Variants in ZFYVE26 observed in about 807,000 individuals in gnomAD.
The protein encoded by ZFYVE26 is zinc finger FYVE-type containing 26.
Under a neutral mutation model 276.5 loss-of-function variants are expected in ZFYVE26, and 181 were observed. The observed-to-expected ratio is 0.65, with a 90% CI of 0.58 to 0.74. The LOEUF (loss-of-function observed/expected upper bound fraction) is 0.74. Ranked by LOEUF, ZFYVE26 falls within the 30% of genes least tolerant of loss-of-function variation. The pLI, the probability that ZFYVE26 is intolerant of heterozygous loss-of-function variation, is 0.00. For missense variants in ZFYVE26, 2,821 were observed against 3,097.9 expected, an observed-to-expected ratio of 0.91 and a Z score of 2.12; for synonymous variants, 1,129 against 1,203.1, an observed-to-expected ratio of 0.94 and a Z score of 1.27.
At chr14:67,786,318 G>C in intron 16 of ZFYVE26, 85 bp from the exon 17 acceptor site, 1 of 1,486,244 alleles carries the variant, frequency 6.7e-7, no homozygotes, top group East Asian at 2.5e-5. Flanking sequence ...GTATTTACCT[G>C]TGAAATTTTA....
intron 10 of ZFYVE26, chr14:67,799,731 T>G: frequency 2.7e-6 from 2 of 744,104 alleles, no homozygotes; most frequent in East Asian, 2.5e-5. Context: ...CCAGCCTGAA[T>G]TTTTCAGATT....
Position 67,775,841 on chromosome 14 carries a change from C to A in ZFYVE26, c.5221+19G>T. ...TTCTTCCTCCATGTAGAATCCCCTT[C>A]TAGGATGCTAGCAGTTACCTGATCG... On this transcript the variant is annotated intron_variant, in intron 26 of 41. Coordinates refer to ENST00000347230, the MANE Select transcript of ZFYVE26 (RefSeq NM_015346.4). The A allele has an allele frequency of 6.2e-7, 1 of 1,614,060 alleles. No homozygotes were observed. Among genetic ancestry groups the A allele is most frequent in the Non-Finnish European group, 8.5e-7 (1 of 1,179,986 alleles).
chr14:67,762,061 T>A, intron 34 of ZFYVE26, 142 bp downstream of exon 34: 1 of 905,178 alleles, frequency 1.1e-6, no homozygotes, highest in Non-Finnish European at 1.7e-6. Flanking sequence ...CTATATGTGA[T>A]GGAAAAAAAA....
chr14:67,781,274 T>C (rs1021239591), intron 22 of ZFYVE26, 59 bp downstream of exon 22: 8 of 1,560,568 alleles, frequency 5.1e-6, no homozygotes, highest in African/African-American at 4.1e-5. Flanking sequence ...ATAAGATAGG[T>C]TGGGGTTGAT....
intron 13 of ZFYVE26, chr14:67,734,096 G>C (rs1295888483): frequency 5.2e-6 from 2 of 387,198 alleles, no homozygotes; most frequent in South Asian, 2.1e-5. Context: ...CAACCCTCTG[G>C]GGGCAGCAGG....
At position 67,748,614 on chromosome 14, in the gene ZFYVE26, T is replaced by A; in HGVS notation, c.7442A>T (p.Lys2481Ile). 1 of 1,614,108 alleles carries A rather than the reference T, an allele frequency of 6.2e-7. No individual in the cohort carries two copies. Among genetic ancestry groups the A allele is most frequent in the Non-Finnish European group, 8.5e-7 (1 of 1,180,040 alleles). Residue 2481 changes from lysine (K) to isoleucine (I), a missense_variant, in exon 42 of 42, where the codon AAA becomes ATA. Lys to Ile is a moderately radical substitution (Grantham distance 102, BLOSUM62 -3). Coordinates refer to ENST00000347230, the MANE Select transcript of ZFYVE26 (RefSeq NM_015346.4). Reference sequence around the variant, plus strand: ...AGCAATCAAGTAGGCAGAACGCAGTTTGCAACATATCAGGTAGGCCCGAAC... The same window carrying A: ...AGCAATCAAGTAGGCAGAACGCAGTATGCAACATATCAGGTAGGCCCGAAC... Reference protein sequence around the residue: ...NKVRAYLICCKLRSAYLIAVK... With the variant: ...NKVRAYLICCILRSAYLIAVK...
Position 67,802,191 on chromosome 14 carries a change from A to C in ZFYVE26, c.1527T>G (p.Tyr509Ter), listed in dbSNP as rs540972590. The C allele has an allele frequency of 6.2e-7, 1 of 1,614,234 alleles. No homozygotes were observed. Among genetic ancestry groups the C allele is most frequent in the South Asian group, 1.1e-5 (1 of 91,080 alleles). Reference protein sequence around the residue: ...QGFCAMKYAIYALCVNSHQHS... With the variant: ...QGFCAMKYAI ...GCTGGTGTGAGTTTACACAGAGGGC[A>C]TAGATGGCATACTTCATGGCACAGA... The change falls in exon 10 of 42, where the codon TAT becomes TAG. Residue 509 changes from tyrosine (Y) to a stop codon, truncating the protein, a stop_gained. Transcript: ENST00000347230. LOFTEE classifies it high-confidence loss of function.
intron 27 of ZFYVE26, 47 bp from the exon 28 acceptor site, chr14:67,772,257 A>T (rs1181591263): frequency 6.3e-7 from 1 of 1,583,644 alleles, no homozygotes; most frequent in South Asian, 1.1e-5. Flanking sequence ...TCAATATACC[A>T]GCTTATAGAT....
intron 35 of ZFYVE26, among the ~76,000 whole-genome samples, chr14:67,758,594 G>C (rs555352581): frequency 9.2e-5 from 14 of 152,032 alleles, no homozygotes; most frequent in Non-Finnish European, 1.8e-4. Flanking sequence ...AACAGAGAGG[G>C]CCTGAAAGGA....
At position 67,769,593 on chromosome 14, in the gene ZFYVE26, C is replaced by T. The variant is rs1414256228; in HGVS notation, c.5621+1G>A. ...CAACAGCCCTGCTGTAGGACACTCACTCTTTGTTGCAGTAACTATAGCACT... is the reference window on the plus strand; with the variant it reads ...CAACAGCCCTGCTGTAGGACACTCATTCTTTGTTGCAGTAACTATAGCACT... On this transcript the variant is annotated splice_donor_variant, in intron 29 of 41. Transcript: ENST00000347230. LOFTEE classifies it high-confidence loss of function. 3 of 1,613,958 alleles carry T rather than the reference C, an allele frequency of 1.9e-6. No individual in the cohort carries two copies. In the South Asian group the frequency reaches 3.3e-5, roughly 18 times the overall value.
chr14:67,754,803 C>T (rs2038736195), intron 37 of ZFYVE26, among the ~76,000 whole-genome samples: 1 of 152,100 alleles, frequency 6.6e-6, no homozygotes, highest in South Asian at 2.1e-4. Flanking sequence ...AGCCTTTTGG[C>T]CTACTGTAAG....
intron 36 of ZFYVE26, among the ~76,000 whole-genome samples, chr14:67,755,518 C>T (rs1286405813): frequency 1.3e-5 from 2 of 152,154 alleles, no homozygotes; most frequent in African/African-American, 4.8e-5. Context: ...CTCAAATTGG[C>T]TTCACTTGTA....
rs747747607 is a variant in ZFYVE26 at position 67,766,438 on chromosome 14, C to T, written c.5800G>A (p.Ala1934Thr). 1.6e-5 allele frequency: 26 copies of T among 1,611,978 alleles called. No homozygotes were observed. Among genetic ancestry groups the T allele is most frequent in the Middle Eastern group, 2.2e-4 (1 of 4,510 alleles). Residue 1934 changes from alanine to threonine, a missense_variant, in exon 32 of 42, where the codon GCC (alanine) becomes ACC (threonine). Ala to Thr is a moderately conservative substitution (Grantham distance 58, BLOSUM62 0). Coordinates refer to ENST00000347230, the MANE Select transcript of ZFYVE26 (RefSeq NM_015346.4). The part of the protein sequence containing the change: ...SEFYYEQAPS[A>T]SLCIAILNLH... ...TTCAGGATGGCAATGCACAAGGAGG[C>T]GCTGGGGGCCTGGCCGGGGTGGAAG... is the stretch of plus-strand genomic sequence containing the variant.
chr14:67,790,803 T>G, intron 14 of ZFYVE26, 30 bp from the exon 15 acceptor site: 3 of 1,581,056 alleles, frequency 1.9e-6, no homozygotes, highest in Admixed American at 1.7e-5. Context: ...GTGTGGGCCC[T>G]GGTGGTCCCA....
At chr14:67,749,644 A>G (rs1252360365) in intron 41 of ZFYVE26, among the ~76,000 whole-genome samples, 1 of 152,170 alleles carries the variant, frequency 6.6e-6, no homozygotes, top group African/African-American at 2.4e-5. Context: ...TGTTTTGGTC[A>G]CTAAAGTTTT....
chr14:67,780,246 C>A lies in ZFYVE26; in HGVS notation c.4669G>T (p.Ala1557Ser). ...PSTVMNMILE[A>S]QEYELCEEWG... ...ACCACCCAGGAAAACGGTACCTGTGCTTCTAGAATCATGTTCATGACAGTT... is the reference window on the plus strand; with the variant it reads ...ACCACCCAGGAAAACGGTACCTGTGATTCTAGAATCATGTTCATGACAGTT... Residue 1557 changes from alanine (A) to serine (S), a missense_variant, in exon 23 of 42, where the codon GCA becomes TCA. Physicochemically the swap from Ala to Ser is moderately conservative, Grantham distance 99. Coordinates refer to ENST00000347230, the MANE Select transcript of ZFYVE26 (RefSeq NM_015346.4). The A allele has an allele frequency of 6.2e-7, 1 of 1,613,780 alleles. No homozygotes were observed. Among genetic ancestry groups the A allele is most frequent in the Non-Finnish European group, 8.5e-7 (1 of 1,179,864 alleles).
chr14:67,788,717 G>C (rs562854913), intron 16 of ZFYVE26, among the ~76,000 whole-genome samples: 2 of 152,092 alleles, frequency 1.3e-5, no homozygotes, highest in Non-Finnish European at 2.9e-5. Flanking sequence ...CAGACACATG[G>C]GGCTACTCAT....
intron 8 of ZFYVE26, among the ~76,000 whole-genome samples, chr14:67,804,553 C>T (rs2040139208): frequency 6.6e-6 from 1 of 152,092 alleles, no homozygotes; most frequent in South Asian, 2.1e-4. Context: ...ATTTCTACAC[C>T]CTCTCCAGCT....
chr14:67,774,385 G>C (rs575679858), intron 27 of ZFYVE26, among the ~76,000 whole-genome samples: 2 of 152,328 alleles, frequency 1.3e-5, no homozygotes, highest in South Asian at 4.1e-4. Context: ...TTTAATCCCA[G>C]CTACTCGGGA....
Sources: gnomAD v4.1 joint callset for allele counts (sites outside exome capture counted in the v4.1 genomes callset) on GRCh38, gnomAD v4.1.1 for gene constraint, MANE v1.5 for transcripts, NCBI Gene and HGNC (gene_info 2026-07-23, HGNC 2026-07-21) for gene names.